Variants in CEP170 observed in about 807,000 individuals in gnomAD.
CEP170 encodes the protein centrosomal protein 170.
Under a neutral mutation model 151.9 loss-of-function variants are expected in CEP170, and 21 were observed. That is an observed-to-expected ratio of 0.14 (90% CI 0.10 to 0.20). The LOEUF is 0.20. Ranked by LOEUF, CEP170 falls within the 10% of genes least tolerant of loss-of-function variation. The probability of loss-of-function intolerance (pLI) is 1.00; values close to 1 mark genes in which losing one functional copy is unlikely to be tolerated. For missense variants in CEP170, 964 were observed against 1,892.9 expected, an observed-to-expected ratio of 0.51 and a Z score of 9.11; for synonymous variants, 356 against 648.8, an observed-to-expected ratio of 0.55 and a Z score of 6.86.
chr1:243,220,285 T>C (rs1040700384), intron 3 of CEP170, among the ~76,000 whole-genome samples: 30 of 152,226 alleles, frequency 2.0e-4, no homozygotes, highest in African/African-American at 7.2e-4. Flanking sequence ...GGAAGACTAC[T>C]GTTTGGAAGA....
chr1:243,155,253 T>TA (rs1236400722), intron 14 of CEP170, among the ~76,000 whole-genome samples: 1 of 151,942 alleles, frequency 6.6e-6, no homozygotes, highest in Non-Finnish European at 1.5e-5. Context: ...TCTTTAAAAA[T>TA]AAAAAACTAA....
chr1:243,154,954 G>C (rs1359752089), intron 14 of CEP170, among the ~76,000 whole-genome samples: 6 of 152,066 alleles, frequency 3.9e-5, no homozygotes, highest in Non-Finnish European at 8.8e-5. Flanking sequence ...TCAAGGGAAG[G>C]GGAAAAATGA....
chr1:243,138,060 T>C lies in CEP170; in HGVS notation c.4231-1829A>G, dbSNP rs551763943. 1.2e-3 allele frequency among the ~76,000 whole-genome samples: 183 copies of C among 152,134 alleles called. 1 individual carries two copies. The highest frequency in any genetic ancestry group is 4.1e-3 in the African/African-American group (170 of 41,534). The stretch of plus-strand genomic sequence containing the variant: ...AAGGGCAGGAGAGTCTAAGGAAACA[T>C]TGCAACACAGAATAGGATATTTCTC... On this transcript the variant is annotated intron_variant, in intron 16 of 19. Coordinates refer to ENST00000366542, the MANE Select transcript of CEP170 (RefSeq NM_014812.3).
chr1:243,129,486 T>G (rs2054113726), intron 17 of CEP170, 33 bp from the exon 18 acceptor site: 1 of 1,276,954 alleles, frequency 7.8e-7, no homozygotes, highest in South Asian at 1.5e-5. Flanking sequence ...ATATAACTTT[T>G]TATATTTTAA....
chr1:243,217,390 C>T (rs1216266381), intron 3 of CEP170, among the ~76,000 whole-genome samples: 1 of 152,142 alleles, frequency 6.6e-6, no homozygotes, highest in Admixed American at 6.5e-5. Context: ...ACCTAAAACA[C>T]CACATTTACT....
chr1:243,229,970 C>T (rs1367028944), intron 1 of CEP170, among the ~76,000 whole-genome samples: 1 of 152,176 alleles, frequency 6.6e-6, no homozygotes, highest in Non-Finnish European at 1.5e-5. Flanking sequence ...AACAGATCAT[C>T]ACTTTAACCC....
chr1:243,201,750 T>C (rs1291695272), intron 4 of CEP170, among the ~76,000 whole-genome samples: 1 of 152,118 alleles, frequency 6.6e-6, no homozygotes, highest in Non-Finnish European at 1.5e-5. Context: ...ATTGTAAATA[T>C]GAAGAGTTTT....
At chr1:243,192,214 A>T (rs1204481917) in intron 7 of CEP170, among the ~76,000 whole-genome samples, 6 of 152,154 alleles carry the variant, frequency 3.9e-5, no homozygotes, top group Admixed American at 6.5e-5. Flanking sequence ...TAACTCTGGA[A>T]GTTTACATTT....
intron 4 of CEP170, among the ~76,000 whole-genome samples, chr1:243,207,059 T>C (rs566564824): frequency 5.9e-5 from 9 of 152,234 alleles, no homozygotes; most frequent in Non-Finnish European, 8.8e-5. Flanking sequence ...TTCAAGATGA[T>C]AGATTTAAAA....
Position 243,126,541 on chromosome 1 carries a change from A to T in CEP170, c.4663T>A (p.Phe1555Ile), listed in dbSNP as rs1325257054. ...TCAGCCTCAGATTCAGCATTCTCAA[A>T]TTCAGCTGCGGCTGAAACAGCAGCA... ...HPAAVSAAAE[F>I]ENAESEADFS... The change falls in exon 20 of 20, where the codon TTT becomes ATT. Residue 1555 changes from phenylalanine (F) to isoleucine (I), a missense_variant. Transcript: ENST00000366542. The T allele has an allele frequency of 6.3e-7, 1 of 1,596,080 alleles. No individual in the cohort carries two copies. Among genetic ancestry groups the T allele is most frequent in the Non-Finnish European group, 8.5e-7 (1 of 1,170,306 alleles).
intron 7 of CEP170, among the ~76,000 whole-genome samples, chr1:243,196,397 T>C (rs191475321): frequency 3.9e-5 from 6 of 152,246 alleles, no homozygotes; most frequent in Admixed American, 2.0e-4. Flanking sequence ...TACCTTTAGG[T>C]ATTGCTGTGA....
intron 2 of CEP170, among the ~76,000 whole-genome samples, chr1:243,224,969 G>T (rs1374291747): frequency 6.6e-6 from 1 of 152,122 alleles, no homozygotes; most frequent in Non-Finnish European, 1.5e-5. Context: ...TTTATTCTGA[G>T]AATTTATTTT....
At chr1:243,191,723 T>C (rs1359848288) in intron 7 of CEP170, among the ~76,000 whole-genome samples, 2 of 152,052 alleles carry the variant, frequency 1.3e-5, no homozygotes, top group Admixed American at 1.3e-4. Context: ...GCAGCAGCAA[T>C]GGCAAATGAG....
chr1:243,222,333 CA>C lies in CEP170; in HGVS notation c.106-521del, dbSNP rs2062894597. 3.9e-5 allele frequency among the ~76,000 whole-genome samples: 6 copies of C among 152,140 alleles called. No homozygotes were observed. The South Asian group carries it at 1.2e-3, about 31-fold the overall frequency. On this transcript the variant is annotated intron_variant, in intron 2 of 19. Coordinates refer to ENST00000366542, the MANE Select transcript of CEP170 (RefSeq NM_014812.3). ...GGCTCTAAAACTGGAATTCACGGGACAGCTCTAAGAGGGAAAGGGACTGAAA... is the reference window on the plus strand; with the variant it reads ...GGCTCTAAAACTGGAATTCACGGGACGCTCTAAGAGGGAAAGGGACTGAAA...
intron 13 of CEP170, 151 bp downstream of exon 13, chr1:243,164,133 C>T (rs2058275555): frequency 2.1e-5 from 21 of 1,005,708 alleles, no homozygotes; most frequent in Non-Finnish European, 2.5e-5. Context: ...TTTTATAGAC[C>T]CCCCACCGCC....
intron 1 of CEP170, among the ~76,000 whole-genome samples, chr1:243,231,435 T>C (rs2063752607): frequency 2.0e-5 from 3 of 152,186 alleles, no homozygotes; most frequent in Admixed American, 2.0e-4. Flanking sequence ...TTTCATACTT[T>C]TCATATGGTT....
At chr1:243,174,952 T>C (rs1037914542) in intron 10 of CEP170, 8 of 152,240 alleles carry the variant, frequency 5.3e-5, no homozygotes, top group African/African-American at 1.9e-4. Flanking sequence ...GAAGTTTATT[T>C]ACTTATTTTA....
In CEP170 at chr1:243,186,997, A is replaced by T. The variant is rs181388228; in HGVS notation, c.1109-575T>A. Among the ~76,000 whole-genome samples the T allele has an allele frequency of 7.7e-3, 1,165 of 152,138 alleles. 16 individuals are homozygous for T. The highest frequency in any genetic ancestry group is 0.027 in the African/African-American group (1,113 of 41,490). On this transcript the variant is annotated intron_variant, in intron 8 of 19. Coordinates refer to ENST00000366542, the MANE Select transcript of CEP170 (RefSeq NM_014812.3). ...TGTAGTCCCCATTAATTATTGCAAA[A>T]TTTTTTCCACATATCTTTCCAGCTA...
At chr1:243,224,452 A>C (rs1321229288) in intron 2 of CEP170, among the ~76,000 whole-genome samples, 1 of 143,400 alleles carries the variant, frequency 7.0e-6, no homozygotes, top group Non-Finnish European at 1.5e-5. Context: ...CTGATGAACT[A>C]AAAAAAAAAA....
Sources: allele counts gnomAD v4.1 joint callset (sites outside exome capture counted in the v4.1 genomes callset), GRCh38; gene constraint gnomAD v4.1.1; transcripts MANE v1.5; gene names NCBI Gene and HGNC (gene_info 2026-07-23, HGNC 2026-07-21).